PXDN: variants seen among roughly 807,000 people sequenced by gnomAD.
PXDN encodes the protein peroxidasin, also known as peroxidasin homolog.
Under a neutral mutation model 140.3 loss-of-function variants are expected in PXDN, and 77 were observed. The ratio of observed to expected loss-of-function variants is 0.55; its 90% CI spans 0.46 to 0.66. The LOEUF (loss-of-function observed/expected upper bound fraction) is 0.66, where lower values mean the gene tolerates loss of function less well. Ranked by LOEUF, PXDN falls within the 30% of genes least tolerant of loss-of-function variation. The probability of loss-of-function intolerance (pLI) is 0.00; values close to 1 mark genes in which losing one functional copy is unlikely to be tolerated. For synonymous variants in PXDN, 911 were observed against 857.4 expected, an observed-to-expected ratio of 1.06 and a Z score of -1.09; for missense variants, 1,838 against 2,039.5, an observed-to-expected ratio of 0.90 and a Z score of 1.90.
chr2:1,723,261 A>T (rs183688342), intron 1 of PXDN, among the ~76,000 whole-genome samples: 35 of 152,292 alleles, frequency 2.3e-4, no homozygotes, highest in Admixed American at 1.0e-3. Context: ...GAACAGATAG[A>T]TGGACTAATG....
chr2:1,738,098 A>T (rs1362066060), intron 1 of PXDN, among the ~76,000 whole-genome samples: 1 of 151,928 alleles, frequency 6.6e-6, no homozygotes, highest in African/African-American at 2.4e-5. Flanking sequence ...AAATGTCCTG[A>T]TCGGCTATTT....
intron 21 of PXDN, among the ~76,000 whole-genome samples, chr2:1,637,742 C>A (rs1682604482): frequency 7.7e-6 from 1 of 130,522 alleles, no homozygotes; most frequent in Non-Finnish European, 1.7e-5. Flanking sequence ...GGTCTCTAGG[C>A]TGTGGAGGGA....
chr2:1,650,386 G>A (rs531288903), intron 16 of PXDN, among the ~76,000 whole-genome samples: 14 of 152,292 alleles, frequency 9.2e-5, no homozygotes, highest in African/African-American at 2.2e-4. Context: ...CACAGGCTCC[G>A]ACTAGGTCAC....
In PXDN at chr2:1,720,706, TTTC is replaced by T. The variant is rs1276451753; in HGVS notation, c.200+23547_200+23549del. On this transcript the variant is annotated intron_variant, in intron 1 of 22. Coordinates refer to ENST00000252804, the MANE Select transcript of PXDN (RefSeq NM_012293.3). The stretch of plus-strand genomic sequence containing the variant: ...CTCTTTCTCTCTCTCTCTGCATCTC[TTTC>T]TCTCTCTCTCTCTCTCACACACACA... Among the ~76,000 whole-genome samples, 64 of 65,630 alleles carry T rather than the reference TTTC, an allele frequency of 9.8e-4. 1 individual carries two copies. The highest frequency in any genetic ancestry group is 3.9e-3 in the African/African-American group (63 of 16,008). The allele number at this position is 65,630 out of a possible 152,430, so 43.1% of individuals were successfully genotyped here.
rs1009744585 is a variant in PXDN at position 1,648,490 on chromosome 2, G to A, written c.3290C>T (p.Pro1097Leu). 2 of 1,611,962 alleles carry A rather than the reference G, an allele frequency of 1.2e-6. No individual in the cohort carries two copies. The highest frequency in any genetic ancestry group is 1.7e-5 in the Admixed American group (1 of 60,004). ...GGGAGAGAAGAAAGCTTTGTGAAGG[G>A]GGAGGTGATCTTGTGCAATGGGCTG... ...NFQPIAQDHL[P>L]LHKAFFSPFR... is the part of the protein sequence containing the mutation. The change falls in exon 17 of 23, where the codon CCC becomes CTC. Residue 1097 changes from proline to leucine, a missense_variant. Around this residue, in one of 5 missense-constraint regions of PXDN, gnomAD observed 850 missense variants for 894.1 expected, o/e 0.95. Transcript: ENST00000252804. This position sits in a 1 kb window ranked among gnomAD's most constrained non-coding sequence, Gnocchi z 8.9.
intron 1 of PXDN, among the ~76,000 whole-genome samples, chr2:1,703,515 A>C (rs1684500413): frequency 5.1e-5 from 1 of 19,758 alleles, no homozygotes; most frequent in Non-Finnish European, 8.7e-5. Flanking sequence ...GGACAACTCC[A>C]GGTGAAGGGG....
chr2:1,635,190 G>A (rs1460944701), intron 22 of PXDN, among the ~76,000 whole-genome samples: 1 of 152,186 alleles, frequency 6.6e-6, no homozygotes, highest in Non-Finnish European at 1.5e-5. Context: ...CTGTGGGGTT[G>A]GACCATGCTG....
chr2:1,663,013 C>A (rs1572138579), intron 12 of PXDN, among the ~76,000 whole-genome samples: 1 of 152,314 alleles, frequency 6.6e-6, no homozygotes, highest in East Asian at 1.9e-4. Flanking sequence ...GGGGGCTGGG[C>A]CAGGGGCCTT....
intron 9 of PXDN, chr2:1,672,158 C>G (rs978898045): frequency 6.6e-6 from 1 of 152,174 alleles, no homozygotes; most frequent in African/African-American, 2.4e-5. Flanking sequence ...CACCGGATGG[C>G]GGGAGACTCT....
chr2:1,736,127 A>G (rs534179455), intron 1 of PXDN, among the ~76,000 whole-genome samples: 3 of 152,162 alleles, frequency 2.0e-5, no homozygotes, highest in Non-Finnish European at 4.4e-5. Flanking sequence ...CTCTGGATCA[A>G]ACTTTGGCTG....
At chr2:1,677,814 G>A (rs984810854) in intron 7 of PXDN, among the ~76,000 whole-genome samples, 4 of 152,364 alleles carry the variant, frequency 2.6e-5, no homozygotes, top group Admixed American at 1.3e-4. Context: ...CTCAGTGTGC[G>A]AATCTGTCTC....
chr2:1,677,186 A>C, intron 7 of PXDN, 142 bp from the exon 8 acceptor site: 4 of 735,970 alleles, frequency 5.4e-6, no homozygotes, highest in East Asian at 2.7e-5. Flanking sequence ...TCCCCCACAA[A>C]AGTGCCAGAC....
intron 1 of PXDN, among the ~76,000 whole-genome samples, chr2:1,697,505 G>A (rs1171071362): frequency 6.6e-6 from 1 of 152,118 alleles, no homozygotes; most frequent in African/African-American, 2.4e-5. Flanking sequence ...TAAGACTGTG[G>A]GGAGGCATTT....
chr2:1,641,734 G>T (rs1185508816), intron 19 of PXDN, among the ~76,000 whole-genome samples: 2 of 152,218 alleles, frequency 1.3e-5, no homozygotes, highest in African/African-American at 4.8e-5. Context: ...CTTGTAACAT[G>T]CGGGGAACAA....
intron 7 of PXDN, among the ~76,000 whole-genome samples, chr2:1,679,215 G>C (rs1015987191): frequency 6.8e-6 from 1 of 147,294 alleles, no homozygotes; most frequent in African/African-American, 2.5e-5. Flanking sequence ...GTGTCTGCAT[G>C]TGTGTGTCTA....
chr2:1,734,549 T>C (rs1163531796), intron 1 of PXDN, among the ~76,000 whole-genome samples: 2 of 152,214 alleles, frequency 1.3e-5, no homozygotes, highest in African/African-American at 4.8e-5. Context: ...CATAGCTTTT[T>C]ATCCACAGTA....
chr2:1,688,695 A>G (rs1031168032), intron 3 of PXDN, among the ~76,000 whole-genome samples: 11 of 152,302 alleles, frequency 7.2e-5, no homozygotes, highest in Admixed American at 1.3e-4. Context: ...CATCTCTGAC[A>G]TAGGCAGATG....
chr2:1,652,212 C>T (rs563505825), intron 16 of PXDN, among the ~76,000 whole-genome samples: 57 of 152,192 alleles, frequency 3.7e-4, no homozygotes, highest in African/African-American at 1.2e-3. Context: ...TCTGTGGTGG[C>T]GGCAGAACCC....
chr2:1,687,631 C>T lies in PXDN; in HGVS notation c.416+1G>A. 1 of 1,496,100 alleles carries T rather than the reference C, an allele frequency of 6.7e-7. No homozygotes were observed. The highest frequency in any genetic ancestry group is 9.3e-7 in the Non-Finnish European group (1 of 1,080,132). 92.7% of individuals were successfully genotyped at this position (1,496,100 alleles called of 1,614,324 possible). A position where few individuals can be genotyped will look rare whatever the true frequency, so the allele number is the denominator to read the frequency against. On this transcript the variant is annotated splice_donor_variant, in intron 4 of 22. Coordinates refer to ENST00000252804, the MANE Select transcript of PXDN (RefSeq NM_012293.3). LOFTEE classifies it high-confidence loss of function. This position sits in a 1 kb window ranked among gnomAD's most constrained non-coding sequence, Gnocchi z 4.0. ...AAAGCACGAAGAGAAGGGGCACTTA[C>T]AGTTGCTCTAGAGAGGCAAGTCCCT... is the stretch of plus-strand genomic sequence containing the variant.
Sources: gnomAD v4.1 joint callset for allele counts (sites outside exome capture counted in the v4.1 genomes callset) on GRCh38, gnomAD v4.1.1 for gene constraint, gnomAD v4.1.1 regional missense constraint, Gnocchi (gnomAD v3.1) non-coding constraint, MANE v1.5 for transcripts, NCBI Gene and HGNC (gene_info 2026-07-23, HGNC 2026-07-21) for gene names.